The following GFRA3 variants were observed in gnomAD, a reference collection of about 807,000 sequenced individuals.
GFRA3 encodes the protein GDNF family receptor alpha 3, also known as GDNF family receptor alpha-3.
A neutral mutation model predicts 40.0 loss-of-function variants in GFRA3; 24 were observed. The observed-to-expected ratio is 0.60, with a 90% CI of 0.43 to 0.84. GFRA3 has a LOEUF of 0.84. Ranked by LOEUF, GFRA3 falls within the 40% of genes least tolerant of loss-of-function variation. The pLI, the probability that GFRA3 is intolerant of heterozygous loss-of-function variation, is 0.00. For synonymous variants in GFRA3, 203 were observed against 213.5 expected (o/e 0.95, Z 0.43); for missense variants, 405 against 530.6 (o/e 0.76, Z 2.33).
intron 1 of GFRA3, among the ~76,000 whole-genome samples, chr5:138,270,343 G>T (rs1427356300): frequency 6.7e-6 from 1 of 149,344 alleles, no homozygotes; most frequent in Admixed American, 6.8e-5. Flanking sequence ...CTGCACTCCA[G>T]CCCGGGCGAC....
chr5:138,256,534 A>AC (rs1354444466), intron 4 of GFRA3, among the ~76,000 whole-genome samples: 1 of 150,278 alleles, frequency 6.7e-6, no homozygotes, highest in East Asian at 1.9e-4. Context: ...TCTCAAAAAA[A>AC]ACAAACAAAA....
Position 138,257,848 on chromosome 5 carries a change from C to A in GFRA3, c.576G>T (p.Gln192His). The A allele has an allele frequency of 3.7e-6, 6 of 1,613,900 alleles. No homozygotes were observed. The highest frequency in any genetic ancestry group is 2.7e-5 in the African/African-American group (2 of 75,052). Residue 192 changes from glutamine to histidine, a missense_variant, in exon 4 of 8, where the codon CAG becomes CAT. By Grantham distance (24) the Gln-to-His change is conservative. Transcript: ENST00000274721. Reference protein sequence around the residue: ...YGEACSGPHCQRHVCLRQLLT... With the variant: ...YGEACSGPHCHRHVCLRQLLT... Reference sequence around the variant, plus strand: ...GCAGCTGCCTGAGGCAGACGTGGCGCTGGCAGTGGGGCCCGGAGCACGCCT... The same window carrying A: ...GCAGCTGCCTGAGGCAGACGTGGCGATGGCAGTGGGGCCCGGAGCACGCCT...
At chr5:138,253,620 G>T in intron 6 of GFRA3, 146 bp downstream of exon 6, 1 of 777,406 alleles carries the variant, frequency 1.3e-6, no homozygotes, top group Non-Finnish European at 2.1e-6. Context: ...AAAGGCCTGG[G>T]CTATGGCAAT....
At chr5:138,259,459 T>C in intron 3 of GFRA3, 98 bp downstream of exon 3, 1 of 748,808 alleles carries the variant, frequency 1.3e-6, no homozygotes, top group Non-Finnish European at 2.5e-6. Context: ...CTAGAAACAT[T>C]TCCCTTATAA....
At chr5:138,269,657 C>T (rs889454105) in intron 1 of GFRA3, among the ~76,000 whole-genome samples, 4 of 150,760 alleles carry the variant, frequency 2.7e-5, no homozygotes, top group African/African-American at 7.3e-5. Context: ...TCCTGGCCAA[C>T]ATGGTGAAAC....
At chr5:138,271,657 A>G (rs1320148336) in intron 1 of GFRA3, among the ~76,000 whole-genome samples, 1 of 150,048 alleles carries the variant, frequency 6.7e-6, no homozygotes, top group African/African-American at 2.5e-5. Flanking sequence ...TGCAGCCTAC[A>G]GTCTCGACCT....
At chr5:138,255,289 T>G (rs1288296583) in intron 4 of GFRA3, among the ~76,000 whole-genome samples, 1 of 152,174 alleles carries the variant, frequency 6.6e-6, no homozygotes, top group Admixed American at 6.5e-5. Context: ...GACTATAAGA[T>G]AGTTTACAGA....
intron 1 of GFRA3, among the ~76,000 whole-genome samples, chr5:138,271,492 A>C (rs1413349560): frequency 6.6e-6 from 1 of 152,196 alleles, no homozygotes; most frequent in Non-Finnish European, 1.5e-5. Flanking sequence ...GACTTGATCC[A>C]GGGCAAAGGT....
intron 2 of GFRA3, among the ~76,000 whole-genome samples, chr5:138,262,715 A>G (rs1266533076): frequency 6.6e-6 from 1 of 151,964 alleles, no homozygotes; most frequent in Non-Finnish European, 1.5e-5. Context: ...TGGCCTCCCA[A>G]GTTGCTGAAG....
rs1755752168 is a variant in GFRA3, at chr5:138,264,358, C to T, written c.282G>A (p.Arg94=). 6 of 1,613,986 alleles carry T rather than the reference C, an allele frequency of 3.7e-6. No homozygotes were observed. The highest frequency in any genetic ancestry group is 3.4e-6 in the Non-Finnish European group (4 of 1,179,866). ...ACATGCAGCCTATCAGAGAGCTGTTCCTGAGTTGCTGTGCTGCCTCCAGGC... is the reference window on the plus strand; with the variant it reads ...ACATGCAGCCTATCAGAGAGCTGTTTCTGAGTTGCTGTGCTGCCTCCAGGC... ...ADCLEAAQQL[R]NSSLIGCMCH... Residue 94 remains arginine, a synonymous_variant, in exon 2 of 8, where the codon AGG becomes AGA. Transcript: ENST00000274721.
intron 4 of GFRA3, among the ~76,000 whole-genome samples, chr5:138,256,799 T>C (rs930089752): frequency 3.3e-5 from 5 of 151,302 alleles, no homozygotes; most frequent in Admixed American, 2.6e-4. Context: ...ATAAAGAAAT[T>C]AGCTGGGCAT....
At position 138,264,373 on chromosome 5, in the gene GFRA3, T is replaced by C; in HGVS notation, c.267A>G (p.Ala89=). ...EPSVPADCLE[A]AQQLRNSSLI... ...GAGAGCTGTTCCTGAGTTGCTGTGCTGCCTCCAGGCAGTCAGCAGGGACCG... is the reference window on the plus strand; with the variant it reads ...GAGAGCTGTTCCTGAGTTGCTGTGCCGCCTCCAGGCAGTCAGCAGGGACCG... The change falls in exon 2 of 8, where the codon GCA becomes GCG. Residue 89 remains alanine, a synonymous_variant. Transcript: ENST00000274721. The C allele has an allele frequency of 6.2e-7, 1 of 1,613,918 alleles. No individual in the cohort carries two copies.
In GFRA3 at chr5:138,270,717, A is replaced by G. The variant is rs187210197; in HGVS notation, c.91+3617T>C. Reference sequence around the variant, plus strand: ...TGTACCCCAATAACCTATGGAAAAGAAAAAGTATATCAGAATTTCTCTAGG... The same window carrying G: ...TGTACCCCAATAACCTATGGAAAAGGAAAAGTATATCAGAATTTCTCTAGG... On this transcript the variant is annotated intron_variant, in intron 1 of 7. Transcript: ENST00000274721. Among the ~76,000 whole-genome samples the G allele has an allele frequency of 2.5e-3, 384 of 152,174 alleles. 2 individuals are homozygous for G. Among genetic ancestry groups the G allele is most frequent in the African/African-American group, 8.4e-3 (348 of 41,582 alleles).
chr5:138,259,470 G>T, intron 3 of GFRA3, 87 bp downstream of exon 3: 1 of 768,232 alleles, frequency 1.3e-6, no homozygotes, highest in South Asian at 1.4e-5. Context: ...TCCCTTATAA[G>T]CTCCCCAACT....
At chr5:138,254,392 G>A (rs1480254052) in intron 4 of GFRA3, among the ~76,000 whole-genome samples, 1 of 151,862 alleles carries the variant, frequency 6.6e-6, no homozygotes, top group Non-Finnish European at 1.5e-5. Flanking sequence ...TCACCATGTC[G>A]GCCAGGCTGG....
Position 138,257,922 on chromosome 5 carries a change from G to T in GFRA3, c.502C>A (p.Leu168Met), listed in dbSNP as rs1168158147. Residue 168 changes from leucine to methionine, a missense_variant, in exon 4 of 8, where the codon CTG becomes ATG. Physicochemically the swap from Leu to Met is conservative, Grantham distance 15. Transcript: ENST00000274721. ...DSDLCLKFAM[L>M]CTLNDKCDRL... ...TCACACTTGTCATTGAGAGTACACA[G>T]CATGGCAAACTTGAGGCAGAGGTCT... is the stretch of plus-strand genomic sequence containing the variant. The T allele has an allele frequency of 1.9e-6, 3 of 1,614,140 alleles. No homozygotes were observed. The highest frequency in any genetic ancestry group is 1.7e-5 in the Admixed American group (1 of 60,014).
intron 4 of GFRA3, among the ~76,000 whole-genome samples, chr5:138,254,938 A>G (rs927590560): frequency 3.3e-5 from 5 of 151,938 alleles, no homozygotes; most frequent in African/African-American, 1.2e-4. Context: ...AGAACGAAAG[A>G]AAGAAAAAAA....
At chr5:138,266,807 G>A (rs1020483099) in intron 1 of GFRA3, among the ~76,000 whole-genome samples, 2 of 150,906 alleles carry the variant, frequency 1.3e-5, no homozygotes, top group African/African-American at 2.4e-5. Flanking sequence ...TCAGCCTCCC[G>A]AGTAGCTGGG....
intron 4 of GFRA3, among the ~76,000 whole-genome samples, chr5:138,256,573 A>G (rs1327029261): frequency 6.6e-6 from 1 of 152,004 alleles, no homozygotes; most frequent in Non-Finnish European, 1.5e-5. Flanking sequence ...AAACAAAACA[A>G]AAACCTAAAT....
Sources: allele counts gnomAD v4.1 joint callset (sites outside exome capture counted in the v4.1 genomes callset), GRCh38; gene constraint gnomAD v4.1.1; transcripts MANE v1.5; gene names NCBI Gene and HGNC (gene_info 2026-07-23, HGNC 2026-07-21).